Variants in RBFOX1 observed in about 807,000 individuals in gnomAD.
RBFOX1 encodes RNA binding protein fox-1 homolog 1.
In RBFOX1, 8 loss-of-function variants were observed where a neutral mutation model predicts 57.7. That is an observed-to-expected ratio of 0.14 (90% CI 0.08 to 0.25). RBFOX1 has a LOEUF of 0.25. RBFOX1 is among the 10% of genes least tolerant of loss of function. The probability of loss-of-function intolerance (pLI) is 1.00; values close to 1 mark genes in which losing one functional copy is unlikely to be tolerated. For missense variants in RBFOX1, 611 were observed against 548.5 expected, an observed-to-expected ratio of 1.11 and a Z score of -1.14; for synonymous variants, 326 against 222.4, an observed-to-expected ratio of 1.47 and a Z score of -4.15.
At chr16:7,314,625 G>A (rs1401000153) in intron 4 of RBFOX1, among the ~76,000 whole-genome samples, 1 of 152,106 alleles carries the variant, frequency 6.6e-6, no homozygotes, top group Non-Finnish European at 1.5e-5. Flanking sequence ...CCCATTTGGT[G>A]TTTATGCTTT....
chr16:7,505,603 T>C (rs1392775725), intron 4 of RBFOX1, among the ~76,000 whole-genome samples: 1 of 152,240 alleles, frequency 6.6e-6, no homozygotes, highest in African/African-American at 2.4e-5. Context: ...AGCCTCTCCA[T>C]TGCCTTCTGT....
intron 3 of RBFOX1, among the ~76,000 whole-genome samples, chr16:6,934,398 C>T (rs971714798): frequency 5.9e-5 from 9 of 152,036 alleles, no homozygotes; most frequent in Non-Finnish European, 1.3e-4. Flanking sequence ...ATGTCATGAT[C>T]AGTATTTGAA....
intron 5 of RBFOX1, among the ~76,000 whole-genome samples, chr16:7,523,774 A>C (rs2078036563): frequency 6.6e-6 from 1 of 152,154 alleles, no homozygotes; most frequent in African/African-American, 2.4e-5. Context: ...ACATCTGTAT[A>C]CTCATCTCTC....
rs150282784 is a variant in RBFOX1, at chr16:5,786,025, A to G, written c.319-81278A>G. On this transcript the variant is annotated intron_variant, in intron 3 of 19. Transcript: ENST00000641259. ...ATTGGACCACCAGAGCTTTCCTTTC[A>G]TTAGGATCCTTGGATCATGTCATTC... is the stretch of plus-strand genomic sequence containing the variant. Among the ~76,000 whole-genome samples, 22 of 152,072 alleles carry G rather than the reference A, an allele frequency of 1.4e-4. No homozygotes were observed. The East Asian group carries it at 3.9e-3, about 27-fold the overall frequency.
intron 1 of RBFOX1, among the ~76,000 whole-genome samples, chr16:5,320,364 G>C (rs1427243507): frequency 6.6e-6 from 1 of 152,214 alleles, no homozygotes; most frequent in Non-Finnish European, 1.5e-5. Context: ...GGGTACTCCA[G>C]CATTTGAGCA....
intron 3 of RBFOX1, among the ~76,000 whole-genome samples, chr16:6,847,764 C>G (rs7201125): frequency 6.6e-6 from 1 of 151,940 alleles, no homozygotes; most frequent in Non-Finnish European, 1.5e-5. Flanking sequence ...TTAAAACAGT[C>G]ACGTGTGGCT....
At chr16:6,238,079 A>G (rs1408675489) in intron 1 of RBFOX1, among the ~76,000 whole-genome samples, 1 of 142,880 alleles carries the variant, frequency 7.0e-6, no homozygotes, top group Non-Finnish European at 1.5e-5. Context: ...TGACAGAATG[A>G]GACTCTGTCT....
In RBFOX1 at chr16:6,331,805, C is replaced by T. The variant is rs558549780; in HGVS notation, c.-64+14748C>T. ...AAATTGTATTTATTTGTGTATTGCC[C>T]TGGAAATGTACAAATAGTTTCTTCT... On this transcript the variant is annotated intron_variant, in intron 2 of 15. Coordinates refer to ENST00000550418, the MANE Select transcript of RBFOX1 (RefSeq NM_018723.4). Among the ~76,000 whole-genome samples, 24 of 151,680 alleles carry T rather than the reference C, an allele frequency of 1.6e-4. No individual in the cohort carries two copies. In the South Asian group the frequency reaches 5.0e-3, roughly 32 times the overall value.
chr16:6,227,126 G>GA (rs980627090), intron 1 of RBFOX1, among the ~76,000 whole-genome samples: 25 of 147,756 alleles, frequency 1.7e-4, no homozygotes, highest in East Asian at 4.0e-4. Flanking sequence ...TCTGTCTCAA[G>GA]AAAAAAAAAA....
intron 1 of RBFOX1, among the ~76,000 whole-genome samples, chr16:5,451,438 A>G (rs1422796136): frequency 6.6e-6 from 1 of 152,220 alleles, no homozygotes; most frequent in Non-Finnish European, 1.5e-5. Flanking sequence ...ATTAGTCTGC[A>G]TTGAAAACTA....
intron 1 of RBFOX1, among the ~76,000 whole-genome samples, chr16:5,350,303 C>A (rs2065234506): frequency 6.6e-6 from 1 of 152,112 alleles, no homozygotes; most frequent in Non-Finnish European, 1.5e-5. Flanking sequence ...ATGAAGCATA[C>A]TGTTGGCTGC....
At chr16:6,268,930 G>A (rs538782651) in intron 1 of RBFOX1, among the ~76,000 whole-genome samples, 2 of 152,272 alleles carry the variant, frequency 1.3e-5, no homozygotes, top group African/African-American at 4.8e-5. Flanking sequence ...TCAAGTTCCT[G>A]ATATAAAATG....
At chr16:5,613,784 CCCA>C (rs1385925428) in intron 3 of RBFOX1, among the ~76,000 whole-genome samples, 1 of 151,882 alleles carries the variant, frequency 6.6e-6, no homozygotes, top group African/African-American at 2.4e-5. Context: ...TGTTTAACTC[CCCA>C]AATCAAGGTA....
chr16:7,413,595 G>A (rs1039070981), intron 4 of RBFOX1, among the ~76,000 whole-genome samples: 1 of 151,684 alleles, frequency 6.6e-6, no homozygotes, highest in African/African-American at 2.4e-5. Flanking sequence ...CCACCCCCCT[G>A]CCCCCTGCCT....
intron 4 of RBFOX1, among the ~76,000 whole-genome samples, chr16:7,214,960 C>G (rs2091788860): frequency 6.6e-6 from 1 of 152,194 alleles, no homozygotes; most frequent in Non-Finnish European, 1.5e-5. Context: ...ACATAGGTGT[C>G]CACGTGCCAT....
intron 1 of RBFOX1, among the ~76,000 whole-genome samples, chr16:6,142,636 C>T (rs1309823531): frequency 1.3e-5 from 2 of 152,184 alleles, no homozygotes; most frequent in Non-Finnish European, 2.9e-5. Flanking sequence ...ATGCCAGAAA[C>T]AGAGTGAGTA....
At chr16:7,231,376 G>T (rs762903260) in intron 4 of RBFOX1, among the ~76,000 whole-genome samples, 3 of 152,098 alleles carry the variant, frequency 2.0e-5, no homozygotes, top group African/African-American at 7.2e-5. Context: ...GAATCAGCAG[G>T]GTTCATGATG....
rs867354322 is a variant in RBFOX1 at position 7,278,302 on chromosome 16, T to C, written c.27+226204T>C. 3.3e-4 allele frequency among the ~76,000 whole-genome samples: 50 copies of C among 152,178 alleles called. 1 individual carries two copies. The highest frequency in any genetic ancestry group is 1.2e-3 in the African/African-American group (50 of 41,432). ...TAATTAGACATGTGTTCCGTAATGCTTAAAGAGAGATCAAACCTCCTTCAG... is the reference window on the plus strand; with the variant it reads ...TAATTAGACATGTGTTCCGTAATGCCTAAAGAGAGATCAAACCTCCTTCAG... On this transcript the variant is annotated intron_variant, in intron 4 of 15. Transcript: ENST00000550418.
At chr16:6,458,221 C>A (rs2094824792) in intron 2 of RBFOX1, among the ~76,000 whole-genome samples, 1 of 152,122 alleles carries the variant, frequency 6.6e-6, no homozygotes, top group Non-Finnish European at 1.5e-5. Context: ...TCGTCTGCAG[C>A]ATGAAGTTTT....
Sources: gnomAD v4.1 joint callset for allele counts (sites outside exome capture counted in the v4.1 genomes callset) on GRCh38, gnomAD v4.1.1 for gene constraint, MANE v1.5 for transcripts, NCBI Gene and HGNC (gene_info 2026-07-23, HGNC 2026-07-21) for gene names.